Variants in GPC5 observed in about 807,000 individuals in gnomAD.
GPC5 encodes the protein glypican-5.
GPC5 carries 47 observed loss-of-function variants against 53.9 expected under a neutral mutation model. The ratio of observed to expected loss-of-function variants is 0.87; its 90% CI spans 0.69 to 1.11. GPC5 has a LOEUF of 1.11. Among genes scored for constraint, GPC5 ranks in the 50% most tolerant of loss-of-function variants. The pLI, the probability that GPC5 is intolerant of heterozygous loss-of-function variation, is 0.00. For synonymous variants in GPC5, 286 were observed against 263.3 expected (o/e 1.09, Z -0.84); for missense variants, 748 against 713.1 (o/e 1.05, Z -0.56).
intron 6 of GPC5, among the ~76,000 whole-genome samples, chr13:91,952,521 G>A (rs1429108650): frequency 6.6e-6 from 1 of 152,060 alleles, no homozygotes; most frequent in Non-Finnish European, 1.5e-5. Flanking sequence ...ATAATATAGT[G>A]TAATAAGCAG....
intron 7 of GPC5, among the ~76,000 whole-genome samples, chr13:92,284,046 T>C (rs2042935623): frequency 6.6e-6 from 1 of 151,654 alleles, no homozygotes; most frequent in African/African-American, 2.4e-5. Context: ...TAAAAAATGA[T>C]AAAGGGGATA....
intron 7 of GPC5, among the ~76,000 whole-genome samples, chr13:92,285,647 T>A (rs1362212450): frequency 3.3e-5 from 5 of 152,200 alleles, no homozygotes; most frequent in Non-Finnish European, 7.3e-5. Flanking sequence ...GGGAAAGGAT[T>A]CCCTATTTAA....
chr13:91,732,167 C>T (rs2036713905), intron 4 of GPC5, among the ~76,000 whole-genome samples: 1 of 152,194 alleles, frequency 6.6e-6, no homozygotes, highest in African/African-American at 2.4e-5. Flanking sequence ...AAAAGCATTC[C>T]TATTTCTCCA....
chr13:91,592,476 G>A (rs1280266717), intron 2 of GPC5, among the ~76,000 whole-genome samples: 4 of 152,168 alleles, frequency 2.6e-5, no homozygotes, highest in Non-Finnish European at 5.9e-5. Flanking sequence ...GCCACAGCAG[G>A]GAGATAGGCC....
intron 7 of GPC5, among the ~76,000 whole-genome samples, chr13:92,718,895 C>CAAAAA (rs113129932): frequency 9.7e-6 from 1 of 102,940 alleles, no homozygotes. Context: ...CGTCCCCCCA[C>CAAAAA]AAAAAAAAAA....
chr13:91,626,524 T>C (rs991134368), intron 2 of GPC5, among the ~76,000 whole-genome samples: 2 of 152,148 alleles, frequency 1.3e-5, no homozygotes, highest in African/African-American at 4.8e-5. Context: ...GGAAGATATA[T>C]TATGGGAGCC....
At chr13:92,666,986 C>T (rs1886593582) in intron 7 of GPC5, among the ~76,000 whole-genome samples, 1 of 152,062 alleles carries the variant, frequency 6.6e-6, no homozygotes, top group South Asian at 2.1e-4. Flanking sequence ...AAAAATGCCA[C>T]CCTATACTGA....
chr13:92,506,202 C>T (rs922794564), intron 7 of GPC5, among the ~76,000 whole-genome samples: 1 of 151,984 alleles, frequency 6.6e-6, no homozygotes, highest in African/African-American at 2.4e-5. Context: ...AGATGAGCTG[C>T]ATGAAAATGC....
At chr13:92,818,976 C>A (rs988633707) in intron 7 of GPC5, among the ~76,000 whole-genome samples, 1 of 151,922 alleles carries the variant, frequency 6.6e-6, no homozygotes, top group Admixed American at 6.5e-5. Flanking sequence ...TTGTTGGTAA[C>A]TTGCTGCTTC....
At chr13:92,364,673 T>C (rs968041120) in intron 7 of GPC5, among the ~76,000 whole-genome samples, 3 of 151,660 alleles carry the variant, frequency 2.0e-5, no homozygotes, top group African/African-American at 7.3e-5. Flanking sequence ...GAGCTTGCAG[T>C]GAGCCTAGAT....
At chr13:92,779,061 A>G (rs1242052324) in intron 7 of GPC5, among the ~76,000 whole-genome samples, 1 of 152,050 alleles carries the variant, frequency 6.6e-6, no homozygotes, top group African/African-American at 2.4e-5. Flanking sequence ...TGATAAAGAC[A>G]TACCTGAGAC....
At chr13:91,682,988 A>G (rs778743194) in intron 2 of GPC5, among the ~76,000 whole-genome samples, 5 of 152,056 alleles carry the variant, frequency 3.3e-5, no homozygotes, top group African/African-American at 4.8e-5. Flanking sequence ...TTGGGCCCCA[A>G]AGATATCAGG....
At chr13:92,590,382 C>T (rs34032117) in intron 7 of GPC5, among the ~76,000 whole-genome samples, 42,562 of 151,944 alleles carry the variant, frequency 0.28, 6,210 homozygotes, top group Middle Eastern at 0.37. Context: ...GAGTGTTCCA[C>T]GCCCAAAACC....
At chr13:92,501,666 G>A (rs193085763) in intron 7 of GPC5, among the ~76,000 whole-genome samples, 88 of 152,132 alleles carry the variant, frequency 5.8e-4, no homozygotes, top group Admixed American at 2.2e-3. Flanking sequence ...AAAACAAAAA[G>A]AGTAAAGAGT....
intron 7 of GPC5, among the ~76,000 whole-genome samples, chr13:92,159,829 C>T (rs1403177544): frequency 1.3e-5 from 2 of 151,914 alleles, no homozygotes; most frequent in East Asian, 2.0e-4. Flanking sequence ...GTCTCGATCT[C>T]CTGACCTCGT....
At chr13:92,503,523 A>G (rs1861501851) in intron 7 of GPC5, among the ~76,000 whole-genome samples, 1 of 151,544 alleles carries the variant, frequency 6.6e-6, no homozygotes, top group South Asian at 2.1e-4. Context: ...CAGCAAGCAG[A>G]AGTAAGAGAA....
chr13:92,376,288 T>C lies in GPC5; in HGVS notation c.1561+231299T>C, dbSNP rs183076079. 5.3e-5 allele frequency among the ~76,000 whole-genome samples: 8 copies of C among 152,340 alleles called. No individual in the cohort carries two copies. The East Asian group carries it at 1.5e-3, about 29-fold the overall frequency. ...AGGATTTAGTTGAGATTTATGAGGTTGGCTAAGCTGTTTTGCATAACGATC... is the reference window on the plus strand; with the variant it reads ...AGGATTTAGTTGAGATTTATGAGGTCGGCTAAGCTGTTTTGCATAACGATC... On this transcript the variant is annotated intron_variant, in intron 7 of 7. Coordinates refer to ENST00000377067, the MANE Select transcript of GPC5 (RefSeq NM_004466.6).
intron 7 of GPC5, among the ~76,000 whole-genome samples, chr13:92,564,553 C>G (rs1882805353): frequency 6.6e-6 from 1 of 151,872 alleles, no homozygotes; most frequent in African/African-American, 2.4e-5. Flanking sequence ...TCAGGGGATA[C>G]ATATACAGGT....
At chr13:92,430,775 A>G (rs1877049672) in intron 7 of GPC5, among the ~76,000 whole-genome samples, 1 of 152,152 alleles carries the variant, frequency 6.6e-6, no homozygotes, top group Non-Finnish European at 1.5e-5. Context: ...GGTGAGGGAC[A>G]ATGGGAACCC....
Sources: allele counts gnomAD v4.1 joint callset (sites outside exome capture counted in the v4.1 genomes callset), GRCh38; gene constraint gnomAD v4.1.1; transcripts MANE v1.5; gene names NCBI Gene and HGNC (gene_info 2026-07-23, HGNC 2026-07-21).